Variants in PSMA7 observed in about 807,000 individuals in gnomAD.
PSMA7 encodes proteasome 20S subunit alpha 7.
In PSMA7, 5 loss-of-function variants were observed where a neutral mutation model predicts 31.3. The observed-to-expected ratio is 0.16, with a 90% confidence interval of 0.08 to 0.34. The LOEUF (loss-of-function observed/expected upper bound fraction) is 0.34, where lower values mean the gene tolerates loss of function less well. PSMA7 is among the 10% of genes least tolerant of loss of function. PSMA7 has a pLI of 1.00. For synonymous variants in PSMA7, 155 were observed against 121.9 expected (o/e 1.27, Z -1.79); for missense variants, 217 against 327.5 (o/e 0.66, Z 2.60).
chr20:62,138,189 C>A lies in PSMA7; in HGVS notation c.573G>T (p.Val191=). Residue 191 remains valine (V), a synonymous_variant, in exon 5 of 7, where the codon GTG becomes GTT. Transcript: ENST00000370873. The stretch of plus-strand genomic sequence containing the variant: ...AACTTACTTCCAGGAGTGCCTTGAT[C>A]ACCAGCTTAATGGTCAGATCATCTG... ...IETDDLTIKL[V]IKALLEVVQS... The A allele has an allele frequency of 6.2e-7, 1 of 1,614,224 alleles. No homozygotes were observed.
intron 1 of PSMA7, among the ~76,000 whole-genome samples, chr20:62,141,159 C>G (rs533307356): frequency 6.6e-6 from 1 of 152,318 alleles, no homozygotes; most frequent in Non-Finnish European, 1.5e-5. Context: ...GTCCCAGCTA[C>G]TGTGGGGGCT....
At chr20:62,142,901 G>A (rs1293159542) in intron 1 of PSMA7, among the ~76,000 whole-genome samples, 2 of 150,706 alleles carry the variant, frequency 1.3e-5, no homozygotes, top group Non-Finnish European at 3.0e-5. Flanking sequence ...GCCCGGCCGG[G>A]GCCAGGGGTG....
chr20:62,143,280 G>A lies in PSMA7; in HGVS notation c.24C>T (p.Thr8=), dbSNP rs771812054. 7.5e-6 allele frequency: 11 copies of A among 1,470,862 alleles called. No individual in the cohort carries two copies. The highest frequency in any genetic ancestry group is 3.1e-5 in the East Asian group (1 of 32,428). The allele number at this position is 1,470,862 out of a possible 1,614,324, so 91.1% of individuals were successfully genotyped here. A position where few individuals can be genotyped will look rare whatever the true frequency, so the allele number is the denominator to read the frequency against. The change falls in exon 1 of 7, where the codon ACC becomes ACT. Residue 8 remains threonine, a synonymous_variant. Coordinates refer to ENST00000370873, the MANE Select transcript of PSMA7 (RefSeq NM_002792.4). The stretch of plus-strand genomic sequence containing the variant: ...AGAGGTGGCCGTCGGGCGAGAAGAC[G>A]GTGATGGCGCGGTCGTAGCTCATGC... MSYDRAI[T]VFSPDGHLFQ...
In PSMA7 at chr20:62,136,766, G is replaced by A. The variant is rs911525449; in HGVS notation, c.*91C>T. On this transcript the variant is annotated 3_prime_UTR_variant, in exon 7 of 7. Transcript: ENST00000370873. ...ACGGAAGTTTATTGTAGGACACTCA[G>A]TGTGAATAAATGGAATGGAAAGGCC... 50 of 1,487,056 alleles carry A rather than the reference G, an allele frequency of 3.4e-5. No homozygotes were observed. In the East Asian group the frequency reaches 1.2e-3, roughly 35 times the overall value. 92.1% of individuals were successfully genotyped at this position (1,487,056 alleles called of 1,614,324 possible).
Position 62,139,240 on chromosome 20 carries a change from C to G in PSMA7, c.349-43G>C, listed in dbSNP as rs369053426. Reference sequence around the variant, plus strand: ...AGGTCAGTGCCATCCAATTAAGAAACTGCATGTGAGGAAAGAACCGTACTT... The same window carrying G: ...AGGTCAGTGCCATCCAATTAAGAAAGTGCATGTGAGGAAAGAACCGTACTT... On this transcript the variant is annotated intron_variant, in intron 3 of 6. Coordinates refer to ENST00000370873, the MANE Select transcript of PSMA7 (RefSeq NM_002792.4). The G allele has an allele frequency of 2.5e-6, 4 of 1,597,410 alleles. No individual in the cohort carries two copies. In the African/African-American group the frequency reaches 5.4e-5, roughly 22 times the overall value.
Position 62,139,875 on chromosome 20 carries a change from T to C in PSMA7, c.254A>G (p.Asn85Ser), listed in dbSNP as rs747560953. Residue 85 changes from asparagine (N) to serine (S), a missense_variant, in exon 3 of 7, where the codon AAC becomes AGC. By Grantham distance (46) the Asn-to-Ser change is conservative. Transcript: ENST00000370873. The part of the protein sequence containing the change: ...GLTADARIVI[N>S]RARVECQSHR... The stretch of plus-strand genomic sequence containing the variant: ...GCTCTGGCACTCCACCCGGGCCCTG[T>C]TGATGACTATCCTTGCATCGGCGGT... 2.5e-6 allele frequency: 4 copies of C among 1,613,860 alleles called. No homozygotes were observed. The highest frequency in any genetic ancestry group is 3.3e-5 in the Admixed American group (2 of 60,006).
intron 1 of PSMA7, among the ~76,000 whole-genome samples, chr20:62,141,661 G>A (rs936569940): frequency 3.9e-5 from 6 of 152,268 alleles, no homozygotes; most frequent in African/African-American, 1.2e-4. Flanking sequence ...GTGTTCTGAA[G>A]GCAGTGTTTC....
At chr20:62,141,692 G>C (rs1326470776) in intron 1 of PSMA7, among the ~76,000 whole-genome samples, 1 of 152,194 alleles carries the variant, frequency 6.6e-6, no homozygotes, top group East Asian at 1.9e-4. Flanking sequence ...AAATTATATT[G>C]AGCCACAATG....
chr20:62,140,194 G>A (rs1444461673), intron 2 of PSMA7, among the ~76,000 whole-genome samples: 1 of 152,182 alleles, frequency 6.6e-6, no homozygotes, highest in African/African-American at 2.4e-5. Flanking sequence ...ATAAAAAATT[G>A]TAGGCTGCCG....
chr20:62,141,080 A>G, intron 1 of PSMA7, 136 bp from the exon 2 acceptor site: 4 of 1,114,708 alleles, frequency 3.6e-6, no homozygotes, highest in South Asian at 1.5e-5. Context: ...GACCAGCCGG[A>G]CAACATGGGA....
chr20:62,139,599 A>G (rs1415194901), intron 3 of PSMA7, 182 bp downstream of exon 3: 1 of 977,218 alleles, frequency 1.0e-6, no homozygotes, highest in Non-Finnish European at 1.6e-6. Flanking sequence ...AACTGAGAAC[A>G]GAACAATGTT....
At chr20:62,140,769 C>A (rs2056922869) in intron 2 of PSMA7, 49 bp downstream of exon 2, 39 of 1,603,540 alleles carry the variant, frequency 2.4e-5, no homozygotes, top group Non-Finnish European at 3.2e-5. Context: ...AAGCCCTATT[C>A]TTCGCTGAGA....
At chr20:62,137,256 TA>T (rs1286219814) in intron 6 of PSMA7, 107 bp downstream of exon 6, 2 of 1,192,588 alleles carry the variant, frequency 1.7e-6, no homozygotes, top group Non-Finnish European at 2.5e-6. Flanking sequence ...TTCCTAATGT[TA>T]AAACCACAGA....
rs2056896271 is a variant in PSMA7, at chr20:62,136,797, A to G, written c.*60T>C. 6.4e-6 allele frequency: 10 copies of G among 1,556,872 alleles called. No individual in the cohort carries two copies. The highest frequency in any genetic ancestry group is 4.1e-5 in the Admixed American group (2 of 48,254). On this transcript the variant is annotated 3_prime_UTR_variant, in exon 7 of 7. Transcript: ENST00000370873. The stretch of plus-strand genomic sequence containing the variant: ...ATAAATGGAATGGAAAGGCCTACAC[A>G]TCGAGACTCATCCATGATTGATATG...
chr20:62,138,716 A>G (rs770228083), intron 4 of PSMA7, among the ~76,000 whole-genome samples: 1 of 151,924 alleles, frequency 6.6e-6, no homozygotes, highest in Non-Finnish European at 1.5e-5. Context: ...CACCATGCCC[A>G]GCAAATTTTT....
chr20:62,140,528 G>A (rs1327168442), intron 2 of PSMA7, among the ~76,000 whole-genome samples: 3 of 152,218 alleles, frequency 2.0e-5, no homozygotes, highest in Non-Finnish European at 2.9e-5. Context: ...AGAAAGTCCA[G>A]CCTTTCTCTA....
At chr20:62,138,823 G>T (rs571068469) in intron 4 of PSMA7, among the ~76,000 whole-genome samples, 16 of 152,302 alleles carry the variant, frequency 1.1e-4, no homozygotes, top group Admixed American at 2.0e-4. Context: ...CTCCCAAAGT[G>T]CTGGGATTAC....
intron 6 of PSMA7, 141 bp from the exon 7 acceptor site, chr20:62,137,090 T>C (rs1465026587): frequency 5.7e-6 from 7 of 1,220,414 alleles, no homozygotes; most frequent in Non-Finnish European, 5.8e-6. Context: ...AACAAGAGGA[T>C]GCTGGCCTGA....
In PSMA7 at chr20:62,140,862, C is replaced by T. The variant is rs1420403071; in HGVS notation, c.179G>A (p.Arg60Gln). 4 of 1,614,194 alleles carry T rather than the reference C, an allele frequency of 2.5e-6. No homozygotes were observed. The highest frequency in any genetic ancestry group is 1.7e-5 in the Admixed American group (1 of 60,026). The part of the protein sequence containing the change: ...VAKLQDERTV[R>Q]KICALDDNVC... ...GTTGTCATCCAAAGCACAGATCTTC[C>T]GCACTGTTCTTTCATCCTGCAGTTT... The change falls in exon 2 of 7, where the codon CGG (arginine) becomes CAG (glutamine). Residue 60 changes from arginine to glutamine, a missense_variant. Physicochemically the swap from Arg to Gln is conservative, Grantham distance 43. Coordinates refer to ENST00000370873, the MANE Select transcript of PSMA7 (RefSeq NM_002792.4).
Sources: allele counts gnomAD v4.1 joint callset (sites outside exome capture counted in the v4.1 genomes callset), GRCh38; gene constraint gnomAD v4.1.1; transcripts MANE v1.5; gene names NCBI Gene and HGNC (gene_info 2026-07-23, HGNC 2026-07-21).